ATP5PB: variants seen among roughly 807,000 people sequenced by gnomAD.
ATP5PB encodes the protein ATP synthase peripheral stalk subunit b, mitochondrial.
ATP5PB carries 21 observed loss-of-function variants against 34.5 expected under a neutral mutation model. The ratio of observed to expected loss-of-function variants is 0.61; its 90% CI spans 0.43 to 0.88. The LOEUF is 0.88. Ranked by LOEUF, ATP5PB falls within the 40% of genes least tolerant of loss-of-function variation. The pLI is 0.00. For missense variants in ATP5PB, 293 were observed against 317.4 expected (o/e 0.92, Z 0.58); for synonymous variants, 108 against 114.1 (o/e 0.95, Z 0.34).
chr1:111,460,927 C>T lies in ATP5PB; in HGVS notation c.704C>T (p.Thr235Ile). ...QSISTQQEKETIAKCIADLKL... is the reference protein window; with the variant it reads ...QSISTQQEKEIIAKCIADLKL... The stretch of plus-strand genomic sequence containing the variant: ...CTTTCCTTATCACAGGAAAAGGAGA[C>T]AATTGCCAAGTGCATTGCGGACCTA... The change falls in exon 7 of 7, where the codon ACA becomes ATA. Residue 235 changes from threonine (T) to isoleucine (I), a missense_variant. Coordinates refer to ENST00000369722, the MANE Select transcript of ATP5PB (RefSeq NM_001688.5). 1 of 1,613,594 alleles carries T rather than the reference C, an allele frequency of 6.2e-7. No homozygotes were observed. Among genetic ancestry groups the T allele is most frequent in the Non-Finnish European group, 8.5e-7 (1 of 1,179,748 alleles).
intron 3 of ATP5PB, 99 bp downstream of exon 3, chr1:111,454,455 TG>T: frequency 1.4e-6 from 2 of 1,427,114 alleles, no homozygotes; most frequent in African/African-American, 2.9e-5. Flanking sequence ...TTGTTGTTGT[TG>T]TTGTTGTTGT....
At chr1:111,452,966 A>T (rs1188153706) in intron 2 of ATP5PB, among the ~76,000 whole-genome samples, 5 of 152,216 alleles carry the variant, frequency 3.3e-5, no homozygotes, top group African/African-American at 1.2e-4. Flanking sequence ...CATGATTCTC[A>T]GATTTCAAAA....
At chr1:111,455,032 A>G (rs1361652518) in intron 3 of ATP5PB, among the ~76,000 whole-genome samples, 1 of 152,208 alleles carries the variant, frequency 6.6e-6, no homozygotes, top group African/African-American at 2.4e-5. Flanking sequence ...GTACGAATAA[A>G]AATGAAGCCA....
chr1:111,450,446 A>G (rs1362729678), intron 2 of ATP5PB, among the ~76,000 whole-genome samples: 2 of 152,212 alleles, frequency 1.3e-5, no homozygotes, highest in Admixed American at 6.5e-5. Flanking sequence ...GTTTAGAGTG[A>G]GGGCTCCACA....
chr1:111,456,171 A>T lies in ATP5PB; in HGVS notation c.309A>T (p.Leu103=), dbSNP rs927691716. ...TTAGCGCAGAGACCTTCACTGCCCT[A>T]TCAGTACTAGGTGTAATGGTCTATG... is the stretch of plus-strand genomic sequence containing the variant. The part of the protein sequence containing the change: ...YVISAETFTA[L]SVLGVMVYGI... The change falls in exon 4 of 7, where the codon CTA becomes CTT. Residue 103 remains leucine (L), a synonymous_variant. Coordinates refer to ENST00000369722, the MANE Select transcript of ATP5PB (RefSeq NM_001688.5). 6.2e-7 allele frequency: 1 copy of T among 1,613,028 alleles called. No homozygotes were observed. Among genetic ancestry groups the T allele is most frequent in the Admixed American group, 1.7e-5 (1 of 59,904 alleles).
chr1:111,449,646 C>T, intron 1 of ATP5PB, 65 bp downstream of exon 1: 1 of 1,561,274 alleles, frequency 6.4e-7, no homozygotes, highest in Admixed American at 1.8e-5. Flanking sequence ...CTAGGGGTGA[C>T]AGGGAGGGGA....
In ATP5PB at chr1:111,454,105, A is replaced by C. The variant is rs1032924323; in HGVS notation, c.78-106A>C. The C allele has an allele frequency of 3.2e-6, 4 of 1,239,564 alleles. No homozygotes were observed. In the African/African-American group the frequency reaches 6.2e-5, roughly 19 times the overall value. 76.8% of individuals were successfully genotyped at this position (1,239,564 alleles called of 1,614,324 possible). ...ATTCTCTTTCCATTATGAGAGTTAGAAAACTGCCTCAATTATCAACCCTAT... is the reference window on the plus strand; with the variant it reads ...ATTCTCTTTCCATTATGAGAGTTAGCAAACTGCCTCAATTATCAACCCTAT... On this transcript the variant is annotated intron_variant, in intron 2 of 6. Transcript: ENST00000369722.
rs1400020387 is a variant in ATP5PB at position 111,449,840 on chromosome 1, C to T, written c.44C>T (p.Pro15Leu). The change falls in exon 2 of 7, where the codon CCC becomes CTC. Residue 15 changes from proline (P) to leucine (L), a missense_variant. By Grantham distance (98) the Pro-to-Leu change is moderately conservative. Transcript: ENST00000369722. ...CCTTCGCCTTGTCTATCTGCAGCCCCCTCTCTGAAGAATGCAGCCTTCCTA... is the reference window on the plus strand; with the variant it reads ...CCTTCGCCTTGTCTATCTGCAGCCCTCTCTCTGAAGAATGCAGCCTTCCTA... Reference protein sequence around the residue: ...VVLSAAATAAPSLKNAAFLGP... With the variant: ...VVLSAAATAALSLKNAAFLGP... 13 of 1,614,042 alleles carry T rather than the reference C, an allele frequency of 8.1e-6. No individual in the cohort carries two copies. Among genetic ancestry groups the T allele is most frequent in the Middle Eastern group, 3.3e-4 (2 of 6,084 alleles).
chr1:111,454,735 C>T (rs187455429), intron 3 of ATP5PB, among the ~76,000 whole-genome samples: 34 of 152,238 alleles, frequency 2.2e-4, no homozygotes, highest in African/African-American at 8.2e-4. Context: ...GAGCCACCCG[C>T]CTGCAGCCGC....
intron 5 of ATP5PB, 78 bp downstream of exon 5, chr1:111,456,833 A>G (rs956373130): frequency 1.4e-5 from 20 of 1,455,736 alleles, no homozygotes; most frequent in Admixed American, 2.5e-5. Context: ...TTTATGAAGA[A>G]TGGTTAAATA....
rs188642859 is a variant in ATP5PB at position 111,452,630 on chromosome 1, G to A, written c.78-1581G>A. 7.9e-5 allele frequency among the ~76,000 whole-genome samples: 12 copies of A among 152,286 alleles called. No homozygotes were observed. The East Asian group carries it at 2.3e-3, about 29-fold the overall frequency. On this transcript the variant is annotated intron_variant, in intron 2 of 6. Transcript: ENST00000369722. ...TTTGTATTGTTAAACTAAGCAAGAGGTGATAAGGACTTGAACTAAGGTAGC... is the reference window on the plus strand; with the variant it reads ...TTTGTATTGTTAAACTAAGCAAGAGATGATAAGGACTTGAACTAAGGTAGC...
chr1:111,456,722 T>G lies in ATP5PB; in HGVS notation c.480T>G (p.Val160=). The G allele has an allele frequency of 6.2e-7, 1 of 1,612,992 alleles. No individual in the cohort carries two copies. Among genetic ancestry groups the G allele is most frequent in the South Asian group, 1.1e-5 (1 of 90,868 alleles). The stretch of plus-strand genomic sequence containing the variant: ...CGGAGAAGTCACAACAGGCACTGGT[T>G]CAGAAGCGCCATTACCTTTTTGATG... ...IDTEKSQQAL[V]QKRHYLFDVQ... is the part of the protein sequence containing the mutation. The change falls in exon 5 of 7, where the codon GTT becomes GTG. Residue 160 remains valine (V), a synonymous_variant. Transcript: ENST00000369722.
rs1653471428 is a variant in ATP5PB at position 111,456,312 on chromosome 1, T to C, written c.387+63T>C. ...CAGAAACATGAAGGTCATCTAGTGA[T>C]ATTTTTGATATGAGTGTTAGGGGAG... On this transcript the variant is annotated intron_variant, in intron 4 of 6. Coordinates refer to ENST00000369722, the MANE Select transcript of ATP5PB (RefSeq NM_001688.5). 3 of 1,444,180 alleles carry C rather than the reference T, an allele frequency of 2.1e-6. No homozygotes were observed. In the Admixed American group the frequency reaches 7.2e-5, roughly 35 times the overall value. The allele number at this position is 1,444,180 out of a possible 1,614,324, so 89.5% of individuals were successfully genotyped here.
chr1:111,450,565 A>G (rs534388992), intron 2 of ATP5PB, among the ~76,000 whole-genome samples: 21 of 152,220 alleles, frequency 1.4e-4, no homozygotes, highest in Non-Finnish European at 2.9e-4. Context: ...TTAAGAGACA[A>G]TTGCTGTGAA....
At chr1:111,450,014 C>A in intron 2 of ATP5PB, 141 bp downstream of exon 2, 2 of 1,066,572 alleles carry the variant, frequency 1.9e-6, no homozygotes, top group South Asian at 2.8e-5. Context: ...TCAGACAAGA[C>A]ACTTGTTCCT....
chr1:111,456,543 A>G (rs750015191), intron 4 of ATP5PB, 87 bp from the exon 5 acceptor site: 445 of 1,501,626 alleles, frequency 3.0e-4, no homozygotes, highest in Non-Finnish European at 3.9e-5. Context: ...CAAATGAGAT[A>G]TACAACTTTG....
At chr1:111,459,662 A>T in intron 6 of ATP5PB, 26 bp downstream of exon 6, 1 of 1,608,172 alleles carries the variant, frequency 6.2e-7, no homozygotes, top group Non-Finnish European at 8.5e-7. Context: ...GTAGGTTCTG[A>T]TGTTGTACTG....
chr1:111,449,653 G>C (rs1274537890), intron 1 of ATP5PB, 72 bp downstream of exon 1: 2 of 1,559,408 alleles, frequency 1.3e-6, no homozygotes, highest in Admixed American at 3.6e-5. Context: ...TGACAGGGAG[G>C]GGAGAAGGGC....
At chr1:111,452,835 A>G (rs193238462) in intron 2 of ATP5PB, among the ~76,000 whole-genome samples, 1 of 152,316 alleles carries the variant, frequency 6.6e-6, no homozygotes, top group East Asian at 1.9e-4. Flanking sequence ...TATAAAGGCC[A>G]CAAAGATACT....
Sources: gnomAD v4.1 joint callset for allele counts (sites outside exome capture counted in the v4.1 genomes callset) on GRCh38, gnomAD v4.1.1 for gene constraint, MANE v1.5 for transcripts, NCBI Gene and HGNC (gene_info 2026-07-23, HGNC 2026-07-21) for gene names.